The following JARID2 variants were observed in gnomAD, a reference collection of about 807,000 sequenced individuals.
The protein encoded by JARID2 is jumonji and AT-rich interaction domain containing 2.
Under a neutral mutation model 125.6 loss-of-function variants are expected in JARID2, and 21 were observed. The ratio of observed to expected loss-of-function variants is 0.17; its 90% CI spans 0.12 to 0.24. The LOEUF is 0.24. Among genes scored for constraint, JARID2 ranks in the 10% least tolerant of loss-of-function variants. The probability of loss-of-function intolerance (pLI) is 1.00; values close to 1 mark genes in which losing one functional copy is unlikely to be tolerated. For synonymous variants in JARID2, 736 were observed against 661.6 expected (o/e 1.11, Z -1.73); for missense variants, 1,303 against 1,639.6 (o/e 0.79, Z 3.55).
chr6:15,401,793 C>T (rs1251104676), intron 2 of JARID2, among the ~76,000 whole-genome samples: 3 of 152,102 alleles, frequency 2.0e-5, no homozygotes, highest in Non-Finnish European at 4.4e-5. Flanking sequence ...GGCCACATTC[C>T]TATAGTGCTG....
At chr6:15,352,281 C>T (rs926350360) in intron 1 of JARID2, among the ~76,000 whole-genome samples, 2 of 152,098 alleles carry the variant, frequency 1.3e-5, no homozygotes, top group African/African-American at 4.8e-5. Flanking sequence ...ACAAGGAAGG[C>T]TCTCTTGTTA....
At chr6:15,320,106 T>G (rs953659312) in intron 1 of JARID2, among the ~76,000 whole-genome samples, 2 of 152,230 alleles carry the variant, frequency 1.3e-5, no homozygotes, top group Non-Finnish European at 2.9e-5. Flanking sequence ...ATGTTTCAAA[T>G]ATTTACCATG....
chr6:15,298,831 A>G (rs1007243717), intron 1 of JARID2, among the ~76,000 whole-genome samples: 1 of 151,970 alleles, frequency 6.6e-6, no homozygotes, highest in South Asian at 2.1e-4. Flanking sequence ...TTTACTCTCC[A>G]TACTCAGTAT....
chr6:15,357,327 T>G (rs1205500026), intron 1 of JARID2, among the ~76,000 whole-genome samples: 1 of 152,222 alleles, frequency 6.6e-6, no homozygotes, highest in African/African-American at 2.4e-5. Context: ...TAAAATACAG[T>G]ACAATTTACA....
chr6:15,400,959 T>C, intron 2 of JARID2: 1 of 1,289,510 alleles, frequency 7.8e-7, no homozygotes, highest in South Asian at 1.2e-5. Flanking sequence ...GGATGGCTGC[T>C]CCACGGGTCT....
At chr6:15,413,385 C>T (rs1201045316) in intron 3 of JARID2, among the ~76,000 whole-genome samples, 3 of 152,072 alleles carry the variant, frequency 2.0e-5, no homozygotes, top group Admixed American at 6.5e-5. Flanking sequence ...AATACTGATT[C>T]CTAAAAATTC....
intron 2 of JARID2, chr6:15,400,883 C>G: frequency 7.8e-7 from 1 of 1,288,072 alleles, no homozygotes; most frequent in Non-Finnish European, 1.0e-6. Context: ...TGCCTCACTG[C>G]GCTCTTCCTC....
At chr6:15,441,103 G>A (rs575371658) in intron 3 of JARID2, among the ~76,000 whole-genome samples, 3 of 152,140 alleles carry the variant, frequency 2.0e-5, no homozygotes, top group Admixed American at 1.3e-4. Flanking sequence ...CTCAGAAAAT[G>A]TGATAATCAG....
chr6:15,270,116 C>T (rs1178065138), intron 1 of JARID2, among the ~76,000 whole-genome samples: 1 of 152,146 alleles, frequency 6.6e-6, no homozygotes, highest in Non-Finnish European at 1.5e-5. Context: ...TTCCTTCCTT[C>T]AGTCCGTCCA....
At chr6:15,480,368 C>A (rs1231599310) in intron 5 of JARID2, among the ~76,000 whole-genome samples, 1 of 152,146 alleles carries the variant, frequency 6.6e-6, no homozygotes, top group African/African-American at 2.4e-5. Flanking sequence ...TCAGGTCATA[C>A]ACTGCATAAT....
chr6:15,517,258 G>C lies in JARID2; in HGVS notation c.3548G>C (p.Arg1183Pro). Residue 1183 changes from arginine to proline, a missense_variant, in exon 17 of 18, where the codon CGC becomes CCC. Around this residue, in one of 11 missense-constraint regions of JARID2, gnomAD observed 190 missense variants for 341.4 expected, o/e 0.56. Coordinates refer to ENST00000341776, the MANE Select transcript of JARID2 (RefSeq NM_004973.4). ...TGCCGAGGGCTGAAGTTGATGTACC[G>C]CTACGATGAGGTCAGTCCCTGCCCG... is the stretch of plus-strand genomic sequence containing the variant. ...KSCRGLKLMY[R>P]YDEEQIISLV... is the part of the protein sequence containing the mutation. 1 of 1,612,232 alleles carries C rather than the reference G, an allele frequency of 6.2e-7. No individual in the cohort carries two copies. Among genetic ancestry groups the C allele is most frequent in the Non-Finnish European group, 8.5e-7 (1 of 1,178,294 alleles).
chr6:15,485,943 G>A (rs536366466), intron 5 of JARID2, among the ~76,000 whole-genome samples: 5 of 152,318 alleles, frequency 3.3e-5, no homozygotes, highest in Admixed American at 2.0e-4. Context: ...CAACTCAAAG[G>A]AGGAATAATT....
At chr6:15,390,714 T>C (rs185426339) in intron 2 of JARID2, among the ~76,000 whole-genome samples, 158 of 152,288 alleles carry the variant, frequency 1.0e-3, no homozygotes, top group African/African-American at 3.6e-3. Context: ...CTTGGATCCA[T>C]GAATACAGAC....
chr6:15,321,886 G>A (rs1167707843), intron 1 of JARID2, among the ~76,000 whole-genome samples: 4 of 145,102 alleles, frequency 2.8e-5, no homozygotes, highest in East Asian at 2.1e-4. Flanking sequence ...TTCGCCTTCC[G>A]GGTTCAAGCA....
chr6:15,392,039 GGTGTGTGTGT>G lies in JARID2; in HGVS notation c.181+17817_181+17826del, dbSNP rs55811028. On this transcript the variant is annotated intron_variant, in intron 2 of 17. Transcript: ENST00000341776. ...GGCACCAGTGCAGTGATCCCAGAGT[GGTGTGTGTGT>G]GTGTGTGTGTGTGTGTGTGTGTGTG... is the stretch of plus-strand genomic sequence containing the variant. Among the ~76,000 whole-genome samples, 478 of 122,812 alleles carry G rather than the reference GGTGTGTGTGT, an allele frequency of 3.9e-3. 3 individuals carry two copies. The highest frequency in any genetic ancestry group is 0.013 in the African/African-American group (422 of 32,312). 80.6% of individuals were successfully genotyped at this position (122,812 alleles called of 152,430 possible). A position where few individuals can be genotyped will look rare whatever the true frequency, so the allele number is the denominator to read the frequency against.
intron 2 of JARID2, among the ~76,000 whole-genome samples, chr6:15,389,670 C>T (rs1337594153): frequency 6.6e-6 from 1 of 152,194 alleles, no homozygotes; most frequent in Non-Finnish European, 1.5e-5. Context: ...TTCTGAATCC[C>T]TCTGAGGAAA....
intron 1 of JARID2, among the ~76,000 whole-genome samples, chr6:15,372,633 C>T (rs2127513183): frequency 6.6e-6 from 1 of 152,284 alleles, no homozygotes; most frequent in South Asian, 2.1e-4. Context: ...GGATTACAGG[C>T]ATGAGCCACT....
intron 1 of JARID2, among the ~76,000 whole-genome samples, chr6:15,281,966 T>TGTGTGTGTGTG (rs1760770122): frequency 8.4e-6 from 1 of 118,602 alleles, no homozygotes; most frequent in Admixed American, 8.5e-5. Flanking sequence ...GTGTGTGTGT[T>TGTGTGTGTGTG]TGAGACAGAG....
At chr6:15,421,026 A>T (rs896585995) in intron 3 of JARID2, among the ~76,000 whole-genome samples, 4 of 152,160 alleles carry the variant, frequency 2.6e-5, no homozygotes, top group Non-Finnish European at 5.9e-5. Flanking sequence ...GGCAGATTCC[A>T]TTGTTGTCTG....
Sources: allele counts gnomAD v4.1 joint callset (sites outside exome capture counted in the v4.1 genomes callset), GRCh38; gene constraint gnomAD v4.1.1; regional missense constraint gnomAD v4.1.1; transcripts MANE v1.5; gene names NCBI Gene and HGNC (gene_info 2026-07-23, HGNC 2026-07-21).